Variants in EPC2 observed in about 807,000 individuals in gnomAD.
The protein encoded by EPC2 is enhancer of polycomb 2, also known as enhancer of polycomb homolog 2.
EPC2 carries 14 observed loss-of-function variants against 92.1 expected under a neutral mutation model. The ratio of observed to expected loss-of-function variants is 0.15; its 90% confidence interval spans 0.10 to 0.24. EPC2 has a LOEUF of 0.24. Ranked by LOEUF, EPC2 falls within the 10% of genes least tolerant of loss-of-function variation. The pLI is 1.00. For missense variants in EPC2, 755 were observed against 971.5 expected (o/e 0.78, Z 2.96); for synonymous variants, 340 against 334.7 (o/e 1.02, Z -0.17).
At chr2:148,707,535 C>T (rs1466609818) in intron 2 of EPC2, among the ~76,000 whole-genome samples, 1 of 152,216 alleles carries the variant, frequency 6.6e-6, no homozygotes, top group Admixed American at 6.5e-5. Flanking sequence ...CCCAAATCAA[C>T]AGAATATACA....
chr2:148,755,998 C>T (rs1027202085), intron 4 of EPC2, among the ~76,000 whole-genome samples: 1 of 152,130 alleles, frequency 6.6e-6, no homozygotes, highest in Non-Finnish European at 1.5e-5. Flanking sequence ...TATTGGACTT[C>T]CTTTAGTGAA....
intron 6 of EPC2, among the ~76,000 whole-genome samples, chr2:148,763,268 TACCTTGAGTG>T (rs1401564607): frequency 1.3e-5 from 2 of 152,278 alleles, no homozygotes; most frequent in African/African-American, 4.8e-5. Flanking sequence ...AATTGTTATC[TACCTTGAGTG>T]ACTTTGAGAA....
chr2:148,668,570 T>C (rs1340362774), intron 1 of EPC2, among the ~76,000 whole-genome samples: 1 of 152,240 alleles, frequency 6.6e-6, no homozygotes, highest in Non-Finnish European at 1.5e-5. Flanking sequence ...CATCTGTTTC[T>C]GGAGTTTTCT....
At chr2:148,695,752 C>A (rs1257731562) in intron 2 of EPC2, among the ~76,000 whole-genome samples, 2 of 152,128 alleles carry the variant, frequency 1.3e-5, no homozygotes, top group Non-Finnish European at 1.5e-5. Flanking sequence ...CCAGGAACAT[C>A]ATTTTCTTGT....
intron 1 of EPC2, among the ~76,000 whole-genome samples, chr2:148,677,333 A>G (rs1681287919): frequency 6.6e-6 from 1 of 152,136 alleles, no homozygotes; most frequent in Non-Finnish European, 1.5e-5. Flanking sequence ...CAACTCTCTT[A>G]ACAAGAAGAG....
At chr2:148,677,000 A>G (rs1681280297) in intron 1 of EPC2, among the ~76,000 whole-genome samples, 1 of 152,204 alleles carries the variant, frequency 6.6e-6, no homozygotes, top group South Asian at 2.1e-4. Flanking sequence ...CTACCAAAGT[A>G]TAACGCAGCA....
chr2:148,776,845 T>C (rs1397221667), intron 10 of EPC2, among the ~76,000 whole-genome samples: 1 of 135,252 alleles, frequency 7.4e-6, no homozygotes, highest in Non-Finnish European at 1.5e-5. Flanking sequence ...AGCAAGACCC[T>C]GTCTCTCTCT....
At chr2:148,698,288 C>T (rs995927805) in intron 2 of EPC2, among the ~76,000 whole-genome samples, 1 of 152,110 alleles carries the variant, frequency 6.6e-6, no homozygotes, top group African/African-American at 2.4e-5. Context: ...CCTGCCCCAC[C>T]GCCCCCTCTA....
chr2:148,671,962 G>A (rs1286314806), intron 1 of EPC2, among the ~76,000 whole-genome samples: 3 of 152,028 alleles, frequency 2.0e-5, no homozygotes. Context: ...TGATATGCCT[G>A]AATATGTATG....
At chr2:148,746,150 C>T (rs188612360) in intron 3 of EPC2, among the ~76,000 whole-genome samples, 1 of 151,854 alleles carries the variant, frequency 6.6e-6, no homozygotes, top group African/African-American at 2.4e-5. Context: ...TTTTCTTATC[C>T]TACATATTTT....
chr2:148,765,030 A>G lies in EPC2; in HGVS notation c.1024A>G (p.Lys342Glu). 1 of 1,608,666 alleles carries G rather than the reference A, an allele frequency of 6.2e-7. No homozygotes were observed. The highest frequency in any genetic ancestry group is 8.5e-7 in the Non-Finnish European group (1 of 1,176,928). The change falls in exon 7 of 14, where the codon AAA (lysine) becomes GAA (glutamate). Residue 342 changes from lysine to glutamate, a missense_variant. Lys to Glu is a moderately conservative substitution (Grantham distance 56). This residue lies in a region of EPC2 where 509 missense variants were observed against 607.7 expected (regional missense o/e 0.84). Transcript: ENST00000258484. ...AAAGAAGAAGTACCCAAAGAAGCCT[A>G]AAGCAGAGGCTTTGATAACATCTCA... ...RQKKKYPKKP[K>E]AEALITSQQP...
At chr2:148,739,756 T>G (rs1682839319) in intron 2 of EPC2, among the ~76,000 whole-genome samples, 1 of 151,858 alleles carries the variant, frequency 6.6e-6, no homozygotes, top group African/African-American at 2.4e-5. Context: ...ACTTGCTTTC[T>G]TCTTCTAATA....
Position 148,764,996 on chromosome 2 carries a change from G to T in EPC2, c.990G>T (p.Val330=), listed in dbSNP as rs2105425843. 1 of 1,601,218 alleles carries T rather than the reference G, an allele frequency of 6.2e-7. No individual in the cohort carries two copies. The highest frequency in any genetic ancestry group is 8.5e-7 in the Non-Finnish European group (1 of 1,173,594). ...HLSLKEEASD[V]VRQKKKYPKK... ...CTTTGAAAGAAGAGGCTTCTGATGT[G>T]GTTCGTCAAAAGAAGAAGTACCCAA... The change falls in exon 7 of 14, where the codon GTG becomes GTT. Residue 330 remains valine (V), a synonymous_variant. Transcript: ENST00000258484.
chr2:148,778,167 TGGTGA>T (rs1438437564), intron 10 of EPC2, among the ~76,000 whole-genome samples: 3 of 152,210 alleles, frequency 2.0e-5, no homozygotes, highest in Non-Finnish European at 2.9e-5. Flanking sequence ...TGTGGGCATG[TGGTGA>T]GATAAATTTA....
chr2:148,774,624 T>TATTTTTTATA (rs935978031), intron 10 of EPC2, among the ~76,000 whole-genome samples: 1 of 132,574 alleles, frequency 7.5e-6, no homozygotes, highest in African/African-American at 2.7e-5. Flanking sequence ...AAAATATATT[T>TATTTTTTATA]TATATATATA....
At chr2:148,701,735 T>C (rs1385114384) in intron 2 of EPC2, among the ~76,000 whole-genome samples, 1 of 152,214 alleles carries the variant, frequency 6.6e-6, no homozygotes, top group Non-Finnish European at 1.5e-5. Context: ...GGGGTGATGC[T>C]GACCTCATAG....
At chr2:148,654,657 CT>C (rs1680753938) in intron 1 of EPC2, among the ~76,000 whole-genome samples, 1 of 152,162 alleles carries the variant, frequency 6.6e-6, no homozygotes, top group Admixed American at 6.5e-5. Flanking sequence ...GACTGAGGCC[CT>C]GTCTCTTAGA....
At chr2:148,667,318 A>T (rs768219573) in intron 1 of EPC2, among the ~76,000 whole-genome samples, 12 of 152,212 alleles carry the variant, frequency 7.9e-5, no homozygotes, top group Non-Finnish European at 1.3e-4. Context: ...TTTCAGTACA[A>T]AATAAAAGGA....
chr2:148,711,324 T>C (rs1158414939), intron 2 of EPC2, among the ~76,000 whole-genome samples: 2 of 152,146 alleles, frequency 1.3e-5, no homozygotes, highest in South Asian at 2.1e-4. Flanking sequence ...GATTTCTTCT[T>C]TGATCCATGT....
Sources: gnomAD v4.1 joint callset for allele counts (sites outside exome capture counted in the v4.1 genomes callset) on GRCh38, gnomAD v4.1.1 for gene constraint, gnomAD v4.1.1 regional missense constraint, MANE v1.5 for transcripts, NCBI Gene and HGNC (gene_info 2026-07-23, HGNC 2026-07-21) for gene names.